Variants in AFF1 observed in about 807,000 individuals in gnomAD.
AFF1 encodes the protein ALF transcription elongation factor 1, also known as AF4/FMR2 family member 1.
AFF1 carries 48 observed loss-of-function variants against 121.7 expected under a neutral mutation model. The observed-to-expected ratio is 0.39, with a 90% CI of 0.31 to 0.50. The LOEUF (loss-of-function observed/expected upper bound fraction) is 0.50. Among genes scored for constraint, AFF1 ranks in the 20% least tolerant of loss-of-function variants. The pLI is 0.76. For synonymous variants in AFF1, 613 were observed against 563.0 expected, an observed-to-expected ratio of 1.09 and a Z score of -1.26; for missense variants, 1,523 against 1,511.7, an observed-to-expected ratio of 1.01 and a Z score of -0.12.
intron 2 of AFF1, among the ~76,000 whole-genome samples, chr4:87,012,756 G>T (rs1331513667): frequency 6.6e-6 from 1 of 152,130 alleles, no homozygotes; most frequent in Non-Finnish European, 1.5e-5. Flanking sequence ...AACTTTTGGT[G>T]CTAATGCCCC....
chr4:87,033,094 G>C (rs930896558), intron 2 of AFF1, among the ~76,000 whole-genome samples: 3 of 152,238 alleles, frequency 2.0e-5, no homozygotes, highest in African/African-American at 7.2e-5. Context: ...AGGCTGCAGC[G>C]AGCCATGATT....
chr4:87,125,796 C>T (rs1728178430), intron 13 of AFF1, among the ~76,000 whole-genome samples: 1 of 152,200 alleles, frequency 6.6e-6, no homozygotes, highest in Non-Finnish European at 1.5e-5. Flanking sequence ...GTCCACTCGT[C>T]TTCTTGTCAG....
chr4:86,987,719 G>A (rs570036219), intron 2 of AFF1, among the ~76,000 whole-genome samples: 15 of 152,256 alleles, frequency 9.9e-5, no homozygotes, highest in South Asian at 2.1e-4. Context: ...TTGGGAGGCC[G>A]AGGCGGGTGG....
At chr4:87,005,836 A>G (rs1726069715) in intron 2 of AFF1, among the ~76,000 whole-genome samples, 1 of 152,250 alleles carries the variant, frequency 6.6e-6, no homozygotes, top group African/African-American at 2.4e-5. Context: ...GTAGTGAAGA[A>G]TGCAGTGACT....
intron 8 of AFF1, among the ~76,000 whole-genome samples, chr4:87,099,025 T>A (rs1725154428): frequency 6.6e-6 from 1 of 152,354 alleles, no homozygotes; most frequent in African/African-American, 2.4e-5. Context: ...ATGTAAGTAG[T>A]GTCAGCTGAA....
At chr4:87,099,666 C>T (rs1180867776) in intron 8 of AFF1, among the ~76,000 whole-genome samples, 9 of 152,238 alleles carry the variant, frequency 5.9e-5, no homozygotes, top group Non-Finnish European at 5.9e-5. Flanking sequence ...ACCTTGGCCT[C>T]CCAAAGTGCT....
At chr4:87,060,056 C>T (rs1448101019) in intron 4 of AFF1, among the ~76,000 whole-genome samples, 1 of 152,188 alleles carries the variant, frequency 6.6e-6, no homozygotes, top group Non-Finnish European at 1.5e-5. Flanking sequence ...ATTTCCTATT[C>T]AGGACACTTG....
intron 4 of AFF1, among the ~76,000 whole-genome samples, chr4:87,056,539 C>T (rs1720157257): frequency 6.6e-6 from 1 of 152,046 alleles, no homozygotes; most frequent in Middle Eastern, 3.2e-3. Context: ...TTTTTTCATG[C>T]TCGAGAACAT....
chr4:87,009,966 T>C (rs1369954486), intron 2 of AFF1, among the ~76,000 whole-genome samples: 1 of 152,252 alleles, frequency 6.6e-6, no homozygotes, highest in Non-Finnish European at 1.5e-5. Flanking sequence ...GTTCATTGTT[T>C]AGTTTGATTC....
At position 87,097,762 on chromosome 4, in the gene AFF1, T is replaced by C. The variant is rs1256347946; in HGVS notation, c.1283+2793T>C. On this transcript the variant is annotated intron_variant, in intron 8 of 20. Transcript: ENST00000395146. Reference sequence around the variant, plus strand: ...GTGGTGGTATTGATAAGTGCCAGAATGAAATGTATCCTTGGGAAAAAGGAA... The same window carrying C: ...GTGGTGGTATTGATAAGTGCCAGAACGAAATGTATCCTTGGGAAAAAGGAA... Among the ~76,000 whole-genome samples the C allele has an allele frequency of 2.0e-5, 3 of 152,162 alleles. No homozygotes were observed. In the East Asian group the frequency reaches 5.8e-4, roughly 29 times the overall value.
At chr4:86,969,955 C>T (rs560413009) in intron 2 of AFF1, among the ~76,000 whole-genome samples, 1 of 141,986 alleles carries the variant, frequency 7.0e-6, no homozygotes, top group Non-Finnish European at 1.5e-5. Flanking sequence ...AATTACAGAA[C>T]AGAATCAAAG....
chr4:86,994,186 TAAAC>T (rs1724936960), intron 2 of AFF1, among the ~76,000 whole-genome samples: 2 of 152,230 alleles, frequency 1.3e-5, no homozygotes, highest in South Asian at 2.1e-4. Context: ...AAACTATATT[TAAAC>T]AAACATTTGT....
At chr4:86,952,122 A>C (rs532357518) in intron 2 of AFF1, among the ~76,000 whole-genome samples, 1 of 152,126 alleles carries the variant, frequency 6.6e-6, no homozygotes, top group Non-Finnish European at 1.5e-5. Context: ...TATATGTCAT[A>C]ATATTGAGGC....
chr4:87,015,750 A>G (rs774086101), intron 2 of AFF1, among the ~76,000 whole-genome samples: 6 of 152,248 alleles, frequency 3.9e-5, no homozygotes, highest in Non-Finnish European at 5.9e-5. Context: ...TTCTGAGTTT[A>G]AATTTGTAGG....
intron 4 of AFF1, among the ~76,000 whole-genome samples, chr4:87,063,554 C>T (rs1375856664): frequency 5.3e-5 from 8 of 151,880 alleles, no homozygotes; most frequent in African/African-American, 1.7e-4. Flanking sequence ...CACCTCTTTA[C>T]CTTGGCTTAG....
intron 4 of AFF1, among the ~76,000 whole-genome samples, chr4:87,059,627 A>C (rs1015656912): frequency 1.3e-5 from 2 of 152,148 alleles, no homozygotes; most frequent in Non-Finnish European, 2.9e-5. Context: ...GTACCTCTCC[A>C]TCACCTTCAG....
chr4:87,018,732 T>A lies in AFF1; in HGVS notation c.39-27434T>A, dbSNP rs1055982483. Among the ~76,000 whole-genome samples the A allele has an allele frequency of 2.0e-5, 3 of 152,232 alleles. No homozygotes were observed. In the East Asian group the frequency reaches 5.8e-4, roughly 29 times the overall value. On this transcript the variant is annotated intron_variant, in intron 2 of 20. Coordinates refer to ENST00000395146, the MANE Select transcript of AFF1 (RefSeq NM_001166693.3). ...AAACTTAGCCCTGTTTTTAATTTAT[T>A]TTAATAAAGGCAAAGTGAGTACCAT...
At chr4:87,108,351 G>A in intron 11 of AFF1, 36 bp downstream of exon 11, 1 of 1,602,044 alleles carries the variant, frequency 6.2e-7, no homozygotes, top group South Asian at 1.1e-5. Flanking sequence ...CACCTTAGAT[G>A]GCAGCATTCT....
Position 87,128,502 on chromosome 4 carries a change from C to T in AFF1, c.2964+799C>T, listed in dbSNP as rs1160716827. Among the ~76,000 whole-genome samples, 47 of 152,212 alleles carry T rather than the reference C, an allele frequency of 3.1e-4. 1 individual carries two copies. The highest frequency in any genetic ancestry group is 2.9e-5 in the Non-Finnish European group (2 of 68,044). On this transcript the variant is annotated intron_variant, in intron 16 of 20. Coordinates refer to ENST00000395146, the MANE Select transcript of AFF1 (RefSeq NM_001166693.3). ...CAAATGCAAAAATGCAAAAACCTCC[C>T]TGGAAAGCCATATGTTGAACTTTGG...
Sources: gnomAD v4.1 joint callset for allele counts (sites outside exome capture counted in the v4.1 genomes callset) on GRCh38, gnomAD v4.1.1 for gene constraint, MANE v1.5 for transcripts, NCBI Gene and HGNC (gene_info 2026-07-23, HGNC 2026-07-21) for gene names.